Variants in TRIP11 observed in about 807,000 individuals in gnomAD.
The protein encoded by TRIP11 is thyroid hormone receptor interactor 11.
In TRIP11, 148 loss-of-function variants were observed where a neutral mutation model predicts 223.1. The ratio of observed to expected loss-of-function variants is 0.66; its 90% CI spans 0.58 to 0.76. The LOEUF (loss-of-function observed/expected upper bound fraction) is 0.76, where lower values mean the gene tolerates loss of function less well. TRIP11 is among the 30% of genes least tolerant of loss of function. The probability of loss-of-function intolerance (pLI) is 0.00; values close to 1 mark genes in which losing one functional copy is unlikely to be tolerated. For missense variants in TRIP11, 2,043 were observed against 2,222.0 expected, an observed-to-expected ratio of 0.92 and a Z score of 1.62; for synonymous variants, 762 against 772.6, an observed-to-expected ratio of 0.99 and a Z score of 0.23.
At chr14:91,973,451 T>A (rs1411972714) in intron 19 of TRIP11, among the ~76,000 whole-genome samples, 2 of 152,204 alleles carry the variant, frequency 1.3e-5, no homozygotes, top group African/African-American at 2.4e-5. Flanking sequence ...TACTTATTTT[T>A]CTTGCCATCA....
chr14:92,002,077 A>C (rs1392670300), intron 11 of TRIP11, among the ~76,000 whole-genome samples: 2 of 152,180 alleles, frequency 1.3e-5, no homozygotes, highest in East Asian at 3.9e-4. Context: ...TGTTTTGCCT[A>C]TCATCTCTTT....
Position 91,995,524 on chromosome 14 carries a change from A to G in TRIP11, c.4893-9T>C, listed in dbSNP as rs906690289. On this transcript the variant is annotated splice_polypyrimidine_tract_variant and intron_variant, in intron 13 of 20. Transcript: ENST00000267622. The stretch of plus-strand genomic sequence containing the variant: ...GCACACTGGCTTGATGGCTTCAAAC[A>G]AAAAGAATAAAAGTCAAACTGCTTC... The G allele has an allele frequency of 3.1e-6, 5 of 1,613,852 alleles. 1 individual carries two copies. The South Asian group carries it at 3.3e-5, about 11-fold the overall frequency.
intron 1 of TRIP11, among the ~76,000 whole-genome samples, chr14:92,038,796 C>T (rs2140155098): frequency 6.6e-6 from 1 of 152,116 alleles, no homozygotes; most frequent in South Asian, 2.1e-4. Flanking sequence ...ACTAAAATGC[C>T]AAGAAATCAA....
intron 6 of TRIP11, 133 bp downstream of exon 6, chr14:92,015,563 C>T (rs191475870): frequency 2.9e-4 from 188 of 644,490 alleles, no homozygotes; most frequent in African/African-American, 7.4e-5. Context: ...GAGGCTGATG[C>T]AGGAGAATCG....
At chr14:92,032,321 T>C (rs756363926) in intron 2 of TRIP11, among the ~76,000 whole-genome samples, 6 of 151,968 alleles carry the variant, frequency 3.9e-5, no homozygotes, top group South Asian at 2.1e-4. Flanking sequence ...CTAATTTTTT[T>C]GTATTTTTAG....
In TRIP11 at chr14:92,029,280, A is replaced by ATTTTTTTTTTT. The variant is rs60778253; in HGVS notation, c.202-3871_202-3861dup. 7.9e-4 allele frequency among the ~76,000 whole-genome samples: 61 copies of ATTTTTTTTTTT among 76,788 alleles called. 4 individuals are homozygous for ATTTTTTTTTTT. The highest frequency in any genetic ancestry group is 3.2e-3 in the African/African-American group (56 of 17,286). The allele number at this position is 76,788 out of a possible 152,430, so 50.4% of individuals were successfully genotyped here. On this transcript the variant is annotated intron_variant, in intron 2 of 20. Transcript: ENST00000267622. ...TTCTGACTGCATTGCCCAAAGTATT[A>ATTTTTTTTTTT]TTTTTTTTTTTTTTTTTTTTTTTTT...
intron 2 of TRIP11, among the ~76,000 whole-genome samples, chr14:92,026,186 G>C (rs920419513): frequency 1.3e-5 from 2 of 152,136 alleles, no homozygotes; most frequent in African/African-American, 2.4e-5. Flanking sequence ...TTGTCTTTCA[G>C]GGTCCCTGAA....
intron 9 of TRIP11, among the ~76,000 whole-genome samples, chr14:92,010,072 T>TATAA (rs1317401622): frequency 2.0e-5 from 3 of 152,220 alleles, no homozygotes; most frequent in African/African-American, 7.2e-5. Context: ...ACAACTCTCC[T>TATAA]ATATTTAAGC....
At chr14:92,030,107 G>C (rs988374275) in intron 2 of TRIP11, among the ~76,000 whole-genome samples, 1 of 148,068 alleles carries the variant, frequency 6.8e-6, no homozygotes, top group Admixed American at 6.9e-5. Flanking sequence ...TGAGGCAGGA[G>C]AATGGCGTGA....
rs2057028104 is a variant in TRIP11 at position 92,015,737 on chromosome 14, T to C, written c.782A>G (p.Tyr261Cys). 3.1e-6 allele frequency: 5 copies of C among 1,613,076 alleles called. No homozygotes were observed. Among genetic ancestry groups the C allele is most frequent in the African/African-American group, 1.3e-5 (1 of 75,006 alleles). Residue 261 changes from tyrosine to cysteine, a missense_variant, in exon 6 of 21, where the codon TAT becomes TGT. Physicochemically the swap from Tyr to Cys is radical, Grantham distance 194. Coordinates refer to ENST00000267622, the MANE Select transcript of TRIP11 (RefSeq NM_004239.4). Reference protein sequence around the residue: ...SRRHREELSDYEERIEELENL... With the variant: ...SRRHREELSDCEERIEELENL... The stretch of plus-strand genomic sequence containing the variant: ...TTCAAGTTCTTCAATTCGTTCTTCA[T>C]AGTCACTTAATTCTTCTCGATGTCG...
chr14:92,017,753 A>T lies in TRIP11; in HGVS notation c.589-3T>A. 6.2e-7 allele frequency: 1 copy of T among 1,611,464 alleles called. No homozygotes were observed. The highest frequency in any genetic ancestry group is 8.5e-7 in the Non-Finnish European group (1 of 1,178,290). ...TCTGTTCCTTGTGCTTTGGAAGTCT[A>T]GATCAGAAAAAGAGAATTAGTAAAT... is the stretch of plus-strand genomic sequence containing the variant. On this transcript the variant is annotated splice_polypyrimidine_tract_variant and splice_region_variant and intron_variant, in intron 4 of 20. Transcript: ENST00000267622.
Position 92,039,813 on chromosome 14 carries a change from G to A in TRIP11, c.-128C>T, listed in dbSNP as rs886050910. 26 of 1,542,992 alleles carry A rather than the reference G, an allele frequency of 1.7e-5. No individual in the cohort carries two copies. Among genetic ancestry groups the A allele is most frequent in the African/African-American group, 2.7e-5 (2 of 72,774 alleles). On this transcript the variant is annotated 5_prime_UTR_variant, in exon 1 of 21. Coordinates refer to ENST00000267622, the MANE Select transcript of TRIP11 (RefSeq NM_004239.4). ...ACAGGATACGATAACACAAAGCTGG[G>A]TTCTCAGGCAAGGCCGACTCCAGGT...
chr14:92,036,440 T>C (rs886959213), intron 1 of TRIP11, among the ~76,000 whole-genome samples: 2 of 152,152 alleles, frequency 1.3e-5, no homozygotes, highest in African/African-American at 2.4e-5. Context: ...ATTCAACATA[T>C]AAGGAAACTG....
intron 2 of TRIP11, among the ~76,000 whole-genome samples, chr14:92,026,251 T>C (rs1300262816): frequency 2.0e-5 from 3 of 152,164 alleles, no homozygotes; most frequent in Admixed American, 2.0e-4. Context: ...TTGAAAAAAG[T>C]TAAAAGTACA....
intron 3 of TRIP11, among the ~76,000 whole-genome samples, chr14:92,023,508 T>C (rs2057140223): frequency 6.6e-6 from 1 of 152,254 alleles, no homozygotes; most frequent in South Asian, 2.1e-4. Context: ...TGGAATTTTC[T>C]ACTTGTGGCA....
intron 2 of TRIP11, chr14:92,026,946 A>G: frequency 8.9e-7 from 1 of 1,125,910 alleles, no homozygotes. Flanking sequence ...TTCACCCTCC[A>G]CTTCCCCTCT....
At chr14:92,025,532 TA>T (rs2057173430) in intron 2 of TRIP11, 112 bp from the exon 3 acceptor site, 4 of 742,406 alleles carry the variant, frequency 5.4e-6, no homozygotes, top group Non-Finnish European at 9.0e-6. Flanking sequence ...ATGTCAAATA[TA>T]AAAGGTCTCG....
chr14:92,021,074 A>T (rs2057107453), intron 4 of TRIP11, among the ~76,000 whole-genome samples: 1 of 148,918 alleles, frequency 6.7e-6, no homozygotes, highest in South Asian at 2.1e-4. Flanking sequence ...TGTCTCAAAA[A>T]AAAAAAAAAA....
At chr14:92,032,638 G>T (rs889066835) in intron 2 of TRIP11, among the ~76,000 whole-genome samples, 2 of 151,924 alleles carry the variant, frequency 1.3e-5, no homozygotes, top group African/African-American at 2.4e-5. Flanking sequence ...TTTGAGACCA[G>T]CCTGGCCAAT....
Sources: gnomAD v4.1 joint callset for allele counts (sites outside exome capture counted in the v4.1 genomes callset) on GRCh38, gnomAD v4.1.1 for gene constraint, MANE v1.5 for transcripts, NCBI Gene and HGNC (gene_info 2026-07-23, HGNC 2026-07-21) for gene names.